TBCCD1: variants seen among roughly 807,000 people sequenced by gnomAD.
The protein encoded by TBCCD1 is TBCC domain containing 1.
TBCCD1 carries 26 observed loss-of-function variants against 53.4 expected under a neutral mutation model. The observed-to-expected ratio is 0.49, with a 90% CI of 0.36 to 0.68. The LOEUF is 0.68. Among genes scored for constraint, TBCCD1 ranks in the 30% least tolerant of loss-of-function variants. TBCCD1 has a pLI of 0.00. For synonymous variants in TBCCD1, 245 were observed against 241.7 expected (o/e 1.01, Z -0.13); for missense variants, 558 against 669.5 (o/e 0.83, Z 1.84).
At chr3:186,555,924 A>C (rs1714526595) in intron 4 of TBCCD1, among the ~76,000 whole-genome samples, 1 of 151,994 alleles carries the variant, frequency 6.6e-6, no homozygotes. Context: ...AGTGTGTTGC[A>C]CAAACTGACA....
At chr3:186,565,301 G>C (rs1236116545) in intron 1 of TBCCD1, among the ~76,000 whole-genome samples, 1 of 151,888 alleles carries the variant, frequency 6.6e-6, no homozygotes, top group Non-Finnish European at 1.5e-5. Context: ...AGTAGAGATG[G>C]GGTTTAACTA....
At position 186,567,331 on chromosome 3, in the gene TBCCD1, TG is replaced by T. The variant is rs546218903; in HGVS notation, c.-109del. ...GCCGCCGCGCCCGGCGTCCGCTCGC[TG>T]GGCCCGCCCCTCACCCTCCTCCGCG... is the stretch of plus-strand genomic sequence containing the variant. On this transcript the variant is annotated 5_prime_UTR_variant, in exon 1 of 8. Transcript: ENST00000338733. 4.4e-3 allele frequency: 679 copies of T among 152,596 alleles called. 1 individual carries two copies. Among genetic ancestry groups the T allele is most frequent in the Non-Finnish European group, 6.6e-3 (452 of 68,382 alleles). 9.5% of individuals were successfully genotyped at this position (152,596 alleles called of 1,614,324 possible).
chr3:186,547,798 A>G (rs113714120), intron 7 of TBCCD1, among the ~76,000 whole-genome samples: 7,155 of 151,816 alleles, frequency 0.047, 559 homozygotes, highest in African/African-American at 0.16. Context: ...TAGTAGAGAC[A>G]GGGTTTCACT....
chr3:186,564,264 G>T lies in TBCCD1; in HGVS notation c.66C>A (p.Val22=), dbSNP rs765532413. 3 of 1,614,162 alleles carry T rather than the reference G, an allele frequency of 1.9e-6. No individual in the cohort carries two copies. The part of the protein sequence containing the change: ...AEPFIVGALQ[V]PPPSKFSLHY... ...GAAGACTAAACTTGGATGGAGGGGG[G>T]ACCTGCAAGGCACCCACTATAAAGG... is the stretch of plus-strand genomic sequence containing the variant. Residue 22 remains valine, a synonymous_variant, in exon 2 of 8, where the codon GTC becomes GTA. Coordinates refer to ENST00000338733, the MANE Select transcript of TBCCD1 (RefSeq NM_018138.5).
At chr3:186,570,461 G>C (rs1424051194), upstream of TBCCD1, 1 of 479,836 alleles carries the variant, frequency 2.1e-6, no homozygotes, top group South Asian at 4.0e-5. Flanking sequence ...CACTCTGACC[G>C]GCCCCCTATC....
At chr3:186,562,430 A>G (rs970065907) in intron 2 of TBCCD1, among the ~76,000 whole-genome samples, 1 of 152,234 alleles carries the variant, frequency 6.6e-6, no homozygotes, top group Non-Finnish European at 1.5e-5. Flanking sequence ...AACACGCCAG[A>G]CACAGAAAGA....
At chr3:186,565,807 A>C in intron 1 of TBCCD1, among the ~76,000 whole-genome samples, 1 of 152,358 alleles carries the variant, frequency 6.6e-6, no homozygotes, top group East Asian at 1.9e-4. Flanking sequence ...TGTGAAATTA[A>C]GTAATTGACA....
chr3:186,569,295 T>A (rs1291387426), upstream of TBCCD1, among the ~76,000 whole-genome samples: 1 of 151,672 alleles, frequency 6.6e-6, no homozygotes, highest in Non-Finnish European at 1.5e-5. Flanking sequence ...AGTGACATGA[T>A]TTGACTTTTA....
At chr3:186,551,305 G>A (rs1292407578) in intron 6 of TBCCD1, 26 bp from the exon 7 acceptor site, 1 of 1,599,648 alleles carries the variant, frequency 6.3e-7, no homozygotes, top group African/African-American at 1.3e-5. Flanking sequence ...TGAGTAAAAA[G>A]AATATAAGAA....
In TBCCD1 at chr3:186,564,163, G is replaced by A; in HGVS notation, c.167C>T (p.Thr56Ile). The A allele has an allele frequency of 6.2e-7, 1 of 1,614,170 alleles. No individual in the cohort carries two copies. The highest frequency in any genetic ancestry group is 8.5e-7 in the Non-Finnish European group (1 of 1,180,026). The change falls in exon 2 of 8, where the codon ACA (threonine) becomes ATA (isoleucine). Residue 56 changes from threonine to isoleucine, a missense_variant. Transcript: ENST00000338733. ...CTTCCCACAAGCGATGTGCCTCCAT[G>A]TAGACCAGTAGAGGCGCGGGTAAGC... ...EGAYPRLYWS[T>I]WRHIACGKLQ...
chr3:186,561,728 G>C (rs1714694891), intron 2 of TBCCD1, among the ~76,000 whole-genome samples: 2 of 152,216 alleles, frequency 1.3e-5, no homozygotes, highest in South Asian at 2.1e-4. Flanking sequence ...GGTGGAGCTT[G>C]CAATGAGCTG....
intron 1 of TBCCD1, among the ~76,000 whole-genome samples, chr3:186,565,049 C>T (rs1264028384): frequency 3.3e-5 from 5 of 151,582 alleles, no homozygotes; most frequent in Non-Finnish European, 5.9e-5. Context: ...GGGAACCATC[C>T]ACAATCCCAC....
upstream of TBCCD1, among the ~76,000 whole-genome samples, chr3:186,568,027 A>G (rs1714889318): frequency 6.6e-6 from 1 of 152,080 alleles, no homozygotes; most frequent in Non-Finnish European, 1.5e-5. Flanking sequence ...TGGCCTCTCT[A>G]GGTGTGATAG....
In TBCCD1 at chr3:186,564,358, G is replaced by A. The variant is rs1279202452; in HGVS notation, c.-29C>T. 1.3e-6 allele frequency: 2 copies of A among 1,552,068 alleles called. No homozygotes were observed. Among genetic ancestry groups the A allele is most frequent in the South Asian group, 2.4e-5 (2 of 82,448 alleles). On this transcript the variant is annotated 5_prime_UTR_variant, in exon 2 of 8. Coordinates refer to ENST00000338733, the MANE Select transcript of TBCCD1 (RefSeq NM_018138.5). ...ATCTCTAAGGACATCAGGGTGAAAA[G>A]GCTTCTTTGCATACCTAGGAAACAA...
intron 1 of TBCCD1, 132 bp from the exon 2 acceptor site, chr3:186,564,504 CACCA>C (rs1011309153): frequency 4.4e-5 from 26 of 584,584 alleles, no homozygotes; most frequent in African/African-American, 4.3e-4. Context: ...AGCTCTAGTT[CACCA>C]ACCAAGAGCA....
At chr3:186,563,949 T>G in intron 2 of TBCCD1, 45 bp downstream of exon 2, 1 of 1,497,406 alleles carries the variant, frequency 6.7e-7, no homozygotes, top group East Asian at 2.3e-5. Flanking sequence ...AAAAGAATGG[T>G]TTCTTTCCAA....
At chr3:186,561,768 G>A (rs1404246581) in intron 2 of TBCCD1, among the ~76,000 whole-genome samples, 3 of 151,540 alleles carry the variant, frequency 2.0e-5, no homozygotes, top group Non-Finnish European at 2.9e-5. Flanking sequence ...CAGCCTGGGC[G>A]ACAGAGCGAG....
upstream of TBCCD1, chr3:186,567,392 C>T (rs1022051886): frequency 3.0e-4 from 46 of 152,034 alleles, no homozygotes; most frequent in Middle Eastern, 3.4e-3. Context: ...AGCGCGAGGC[C>T]CCGCACCACC....
Position 186,546,190 on chromosome 3 carries a change from A to G in TBCCD1, c.*787T>C, listed in dbSNP as rs1035736301. 6.6e-6 allele frequency: 1 copy of G among 152,210 alleles called. No homozygotes were observed. The highest frequency in any genetic ancestry group is 2.4e-5 in the African/African-American group (1 of 41,466). 9.4% of individuals were successfully genotyped at this position (152,210 alleles called of 1,614,324 possible). ...ATAGTATAAAACTATTTCTATGTCTATATACCAACAAATCATACTTCCTTT... is the reference window on the plus strand; with the variant it reads ...ATAGTATAAAACTATTTCTATGTCTGTATACCAACAAATCATACTTCCTTT... On this transcript the variant is annotated 3_prime_UTR_variant, in exon 8 of 8. Transcript: ENST00000338733.
Sources: gnomAD v4.1 joint callset for allele counts (sites outside exome capture counted in the v4.1 genomes callset) on GRCh38, gnomAD v4.1.1 for gene constraint, MANE v1.5 for transcripts, NCBI Gene and HGNC (gene_info 2026-07-23, HGNC 2026-07-21) for gene names.